The following HSDL1 variants were observed in gnomAD, a reference collection of about 807,000 sequenced individuals.
HSDL1 encodes the protein inactive hydroxysteroid dehydrogenase-like protein 1.
Under a neutral mutation model 31.5 loss-of-function variants are expected in HSDL1, and 29 were observed. The ratio of observed to expected loss-of-function variants is 0.92; its 90% CI spans 0.69 to 1.26. The LOEUF (loss-of-function observed/expected upper bound fraction) is 1.26. HSDL1 is among the 50% of genes most tolerant of loss of function. The pLI is 0.00. For synonymous variants in HSDL1, 222 were observed against 155.2 expected, an observed-to-expected ratio of 1.43 and a Z score of -3.20; for missense variants, 503 against 416.6, an observed-to-expected ratio of 1.21 and a Z score of -1.81.
chr16:84,137,973 T>TC (rs146946137), intron 1 of HSDL1, among the ~76,000 whole-genome samples: 7,178 of 152,300 alleles, frequency 0.047, 577 homozygotes, highest in African/African-American at 0.16. Flanking sequence ...TCCGCCCCAC[T>TC]CCCTGATTCT....
rs1192870131 is a variant in HSDL1, at chr16:84,123,844, A to G, written c.*786T>C. 1 of 152,242 alleles carries G rather than the reference A, an allele frequency of 6.6e-6. No homozygotes were observed. Among genetic ancestry groups the G allele is most frequent in the African/African-American group, 2.4e-5 (1 of 41,460 alleles). 9.4% of individuals were successfully genotyped at this position (152,242 alleles called of 1,614,324 possible). A position where few individuals can be genotyped will look rare whatever the true frequency, so the allele number is the denominator to read the frequency against. ...TTCTCTTACATATCCAAATCTAGGA[A>G]TAAGTTCATTCCATAGCAGATTTGA... On this transcript the variant is annotated 3_prime_UTR_variant, in exon 6 of 6. Coordinates refer to ENST00000219439, the MANE Select transcript of HSDL1 (RefSeq NM_031463.5).
In HSDL1 at chr16:84,124,650, C is replaced by A. The variant is rs1038923852; in HGVS notation, c.973G>T (p.Ala325Ser). The change falls in exon 6 of 6, where the codon GCC becomes TCC. Residue 325 changes from alanine (A) to serine (S), a missense_variant. Physicochemically the swap from Ala to Ser is moderately conservative, Grantham distance 99 (BLOSUM62 1). Coordinates refer to ENST00000219439, the MANE Select transcript of HSDL1 (RefSeq NM_031463.5). ...NILNRSLRKEALSCTA is the reference protein window; with the variant it reads ...NILNRSLRKESLSCTA ...CAGACTCAGGCTGTGCAGGATAAGGCTTCCTTACGTAGTGAACGGTTGAGA... is the reference window on the plus strand; with the variant it reads ...CAGACTCAGGCTGTGCAGGATAAGGATTCCTTACGTAGTGAACGGTTGAGA... 6.2e-7 allele frequency: 1 copy of A among 1,613,248 alleles called. No individual in the cohort carries two copies. The highest frequency in any genetic ancestry group is 1.7e-5 in the Admixed American group (1 of 60,020).
chr16:84,127,319 G>A (rs1567518265), intron 5 of HSDL1, among the ~76,000 whole-genome samples: 1 of 146,486 alleles, frequency 6.8e-6, no homozygotes, highest in Non-Finnish European at 1.5e-5. Flanking sequence ...GGGTTCAAGC[G>A]ATTCTCATGC....
Position 84,131,223 on chromosome 16 carries a change from C to T in HSDL1, c.99G>A (p.Thr33=), listed in dbSNP as rs747132048. The change falls in exon 3 of 6, where the codon ACG becomes ACA. Residue 33 remains threonine, a synonymous_variant. Coordinates refer to ENST00000219439, the MANE Select transcript of HSDL1 (RefSeq NM_031463.5). ...AGATGACAGTGATGCTTTTTCTGGC[C>T]GTATACCAGGCTCCAACCAAAGCTA... The part of the protein sequence containing the change: ...EALALVGAWY[T]ARKSITVICD... 1.9e-6 allele frequency: 3 copies of T among 1,614,050 alleles called. No homozygotes were observed. The highest frequency in any genetic ancestry group is 1.7e-5 in the Admixed American group (1 of 60,008).
At position 84,129,629 on chromosome 16, in the gene HSDL1, C is replaced by A. The variant is rs200238362; in HGVS notation, c.813G>T (p.Ser271=). ...CAGCATGATGTGCATAGACTTTTGG[C>A]GAAGGCACCAACCACGAGCACCTGT... ...FLHRCSWLVP[S]PKVYAHHAVS... is the part of the protein sequence containing the mutation. The change falls in exon 5 of 6, where the codon TCG becomes TCT. Residue 271 remains serine (S), a synonymous_variant. Coordinates refer to ENST00000219439, the MANE Select transcript of HSDL1 (RefSeq NM_031463.5). 3.6e-5 allele frequency: 58 copies of A among 1,613,984 alleles called. No individual in the cohort carries two copies. The highest frequency in any genetic ancestry group is 4.7e-5 in the Non-Finnish European group (55 of 1,180,020).
chr16:84,143,777 A>C (rs916676596), intron 1 of HSDL1, among the ~76,000 whole-genome samples: 1 of 151,358 alleles, frequency 6.6e-6, no homozygotes, highest in African/African-American at 2.4e-5. Flanking sequence ...CGGGCAGATC[A>C]CTTGAGGCCA....
intron 2 of HSDL1, among the ~76,000 whole-genome samples, chr16:84,132,420 A>C (rs1162403084): frequency 2.0e-5 from 3 of 152,226 alleles, no homozygotes. Context: ...GCTTGGAAAA[A>C]TGGCTTCTCA....
At chr16:84,132,005 A>AT (rs2086674332) in intron 2 of HSDL1, among the ~76,000 whole-genome samples, 1 of 152,170 alleles carries the variant, frequency 6.6e-6, no homozygotes, top group South Asian at 2.1e-4. Flanking sequence ...TGATCTCACC[A>AT]TTTAACATCC....
intron 1 of HSDL1, among the ~76,000 whole-genome samples, chr16:84,144,004 C>A (rs1035493647): frequency 6.6e-6 from 1 of 151,240 alleles, no homozygotes; most frequent in Non-Finnish European, 1.5e-5. Flanking sequence ...GGCGACAGAG[C>A]GAGATTGTCT....
intron 2 of HSDL1, among the ~76,000 whole-genome samples, chr16:84,131,826 C>T (rs1196467925): frequency 3.3e-5 from 5 of 152,130 alleles, no homozygotes; most frequent in Non-Finnish European, 7.4e-5. Context: ...ACTACAGGCG[C>T]CCGCCACCTC....
At chr16:84,127,427 G>C (rs374566445) in intron 5 of HSDL1, among the ~76,000 whole-genome samples, 1 of 151,248 alleles carries the variant, frequency 6.6e-6, no homozygotes, top group Non-Finnish European at 1.5e-5. Context: ...TGTTGGCAAG[G>C]CTGGTCTCGA....
intron 3 of HSDL1, 78 bp from the exon 4 acceptor site, chr16:84,130,509 C>T: frequency 8.4e-7 from 1 of 1,186,300 alleles, no homozygotes; most frequent in South Asian, 1.5e-5. Context: ...TACCCCCTGT[C>T]AGGTTTAGTC....
At position 84,130,083 on chromosome 16, in the gene HSDL1, G is replaced by A. The variant is rs760208026; in HGVS notation, c.569C>T (p.Pro190Leu). ...AASLMVHVVL[P>L]GMVERKKGAI... is the part of the protein sequence containing the mutation. The stretch of plus-strand genomic sequence containing the variant: ...ACCTTTCTTTCTCTCCACCATTCCC[G>A]GTAACACAACATGGACCATCAAACT... The change falls in exon 4 of 6, where the codon CCG (proline) becomes CTG (leucine). Residue 190 changes from proline (P) to leucine (L), a missense_variant. Pro to Leu is a moderately conservative substitution (Grantham distance 98). Coordinates refer to ENST00000219439, the MANE Select transcript of HSDL1 (RefSeq NM_031463.5). 14 of 1,614,086 alleles carry A rather than the reference G, an allele frequency of 8.7e-6. No individual in the cohort carries two copies. Among genetic ancestry groups the A allele is most frequent in the African/African-American group, 1.3e-5 (1 of 75,002 alleles).
chr16:84,139,013 A>G (rs2086739297), intron 1 of HSDL1, among the ~76,000 whole-genome samples: 2 of 152,336 alleles, frequency 1.3e-5, no homozygotes, highest in Middle Eastern at 3.4e-3. Flanking sequence ...CTTGGCTGAA[A>G]CATGGACATT....
chr16:84,130,460 T>C, intron 3 of HSDL1, 29 bp from the exon 4 acceptor site: 1 of 1,573,172 alleles, frequency 6.4e-7, no homozygotes, highest in Non-Finnish European at 8.6e-7. Flanking sequence ...AAAGTGAGCA[T>C]GTGTATTTCA....
chr16:84,132,444 G>T (rs2086677907), intron 2 of HSDL1, among the ~76,000 whole-genome samples: 1 of 152,142 alleles, frequency 6.6e-6, no homozygotes, highest in Non-Finnish European at 1.5e-5. Flanking sequence ...GACAATAGAG[G>T]GAGCACTCCT....
chr16:84,124,699 C>G lies in HSDL1; in HGVS notation c.924G>C (p.Trp308Cys). 6.2e-7 allele frequency: 1 copy of G among 1,613,676 alleles called. No individual in the cohort carries two copies. Among genetic ancestry groups the G allele is most frequent in the Non-Finnish European group, 8.5e-7 (1 of 1,179,614 alleles). Reference sequence around the variant, plus strand: ...GAATATTTGCTCCCCACACCCAGAGCCATTCAGGCATATACTGTGCAAAAA... The same window carrying G: ...GAATATTTGCTCCCCACACCCAGAGGCATTCAGGCATATACTGTGCAAAAA... Reference protein sequence around the residue: ...QFLFAQYMPEWLWVWGANILN... With the variant: ...QFLFAQYMPECLWVWGANILN... Residue 308 changes from tryptophan to cysteine, a missense_variant, in exon 6 of 6, where the codon TGG (tryptophan) becomes TGC (cysteine). Trp to Cys is a radical substitution (Grantham distance 215). Coordinates refer to ENST00000219439, the MANE Select transcript of HSDL1 (RefSeq NM_031463.5).
At chr16:84,144,736 G>C (rs1003921843) in intron 1 of HSDL1, among the ~76,000 whole-genome samples, 3 of 151,818 alleles carry the variant, frequency 2.0e-5, no homozygotes, top group Admixed American at 6.5e-5. Flanking sequence ...TCGCGGTTTG[G>C]GGGGCAAGGC....
chr16:84,132,860 G>A (rs754810884), intron 2 of HSDL1, among the ~76,000 whole-genome samples: 32 of 151,254 alleles, frequency 2.1e-4, no homozygotes, highest in Non-Finnish European at 3.7e-4. Flanking sequence ...AGGGAACTCA[G>A]ATACACACAA....
Sources: gnomAD v4.1 joint callset for allele counts (sites outside exome capture counted in the v4.1 genomes callset) on GRCh38, gnomAD v4.1.1 for gene constraint, MANE v1.5 for transcripts, NCBI Gene and HGNC (gene_info 2026-07-23, HGNC 2026-07-21) for gene names.